The following ANGPT1 variants were observed in gnomAD, a reference collection of about 807,000 sequenced individuals.
ANGPT1 encodes the protein angiopoietin 1, also known as angiopoietin-1.
Under a neutral mutation model 62.2 loss-of-function variants are expected in ANGPT1, and 17 were observed. That is an observed-to-expected ratio of 0.27 (90% CI 0.19 to 0.41). The LOEUF (loss-of-function observed/expected upper bound fraction) is 0.41. Among genes scored for constraint, ANGPT1 ranks in the 10% least tolerant of loss-of-function variants. The pLI, the probability that ANGPT1 is intolerant of heterozygous loss-of-function variation, is 1.00. For missense variants in ANGPT1, 478 were observed against 594.9 expected, an observed-to-expected ratio of 0.80 and a Z score of 2.04; for synonymous variants, 199 against 198.9, an observed-to-expected ratio of 1.00 and a Z score of 0.00.
At chr8:107,306,794 C>G (rs1428831873) in intron 4 of ANGPT1, among the ~76,000 whole-genome samples, 1 of 151,820 alleles carries the variant, frequency 6.6e-6, no homozygotes, top group African/African-American at 2.4e-5. Flanking sequence ...CCTGTAATAC[C>G]AGTGTTTTGG....
At chr8:107,447,897 G>C (rs959728526) in intron 1 of ANGPT1, among the ~76,000 whole-genome samples, 14 of 152,308 alleles carry the variant, frequency 9.2e-5, no homozygotes, top group African/African-American at 3.1e-4. Flanking sequence ...ATTTGAGCAA[G>C]GGATTTTGAA....
At chr8:107,329,669 T>TTG (rs137951579) in intron 3 of ANGPT1, among the ~76,000 whole-genome samples, 2 of 148,176 alleles carry the variant, frequency 1.3e-5, no homozygotes, top group Admixed American at 1.4e-4. Flanking sequence ...GTGTGAGTCT[T>TTG]TGTGTGTGTG....
chr8:107,375,042 C>A (rs1816501303), intron 1 of ANGPT1, among the ~76,000 whole-genome samples: 1 of 152,068 alleles, frequency 6.6e-6, no homozygotes, highest in Non-Finnish European at 1.5e-5. Flanking sequence ...CGCCTACAGT[C>A]CCAGCTACTC....
chr8:107,429,361 G>A (rs904742779), intron 1 of ANGPT1, among the ~76,000 whole-genome samples: 14 of 152,170 alleles, frequency 9.2e-5, no homozygotes, highest in African/African-American at 3.4e-4. Context: ...TAACAGTTCA[G>A]TTAACAAATT....
chr8:107,274,696 T>C (rs550987115), intron 7 of ANGPT1, among the ~76,000 whole-genome samples: 11 of 152,280 alleles, frequency 7.2e-5, no homozygotes, highest in African/African-American at 2.6e-4. Flanking sequence ...TTTTGACTTG[T>C]TGCTCTTTGA....
At chr8:107,454,061 C>G (rs1166348682) in intron 1 of ANGPT1, among the ~76,000 whole-genome samples, 1 of 152,022 alleles carries the variant, frequency 6.6e-6, no homozygotes, top group Non-Finnish European at 1.5e-5. Context: ...TGAACTGATG[C>G]TACTGATATA....
rs1352866582 is a variant in ANGPT1, at chr8:107,497,633, T to C, written c.-75A>G. On this transcript the variant is annotated 5_prime_UTR_variant, in exon 1 of 9. It adds an upstream start codon to the 5' untranslated region. Transcript: ENST00000517746. The stretch of plus-strand genomic sequence containing the variant: ...CTTCTGACCTCTAAAACTAGTTCTT[T>C]ATTTCAGGTAAAACTGCTTGTTTGT... 1 of 1,441,736 alleles carries C rather than the reference T, an allele frequency of 6.9e-7. No homozygotes were observed. Among genetic ancestry groups the C allele is most frequent in the East Asian group, 2.5e-5 (1 of 40,524 alleles). The allele number at this position is 1,441,736 out of a possible 1,614,324, so 89.3% of individuals were successfully genotyped here. A position where few individuals can be genotyped will look rare whatever the true frequency, so the allele number is the denominator to read the frequency against.
chr8:107,438,218 G>A (rs1309301985), intron 1 of ANGPT1, among the ~76,000 whole-genome samples: 1 of 152,076 alleles, frequency 6.6e-6, no homozygotes, highest in Non-Finnish European at 1.5e-5. Context: ...TTTACCTTTA[G>A]CATTATGATT....
intron 1 of ANGPT1, among the ~76,000 whole-genome samples, chr8:107,376,493 C>A (rs950620924): frequency 2.0e-5 from 3 of 152,124 alleles, no homozygotes; most frequent in Admixed American, 2.0e-4. Context: ...AAGAACAGAT[C>A]TTACAAAGGG....
chr8:107,310,128 G>A (rs1379567630), intron 4 of ANGPT1, among the ~76,000 whole-genome samples: 1 of 151,632 alleles, frequency 6.6e-6, no homozygotes, highest in Non-Finnish European at 1.5e-5. Flanking sequence ...CATTTTTTAT[G>A]GAACTATAAT....
chr8:107,399,237 T>C (rs1238839369), intron 1 of ANGPT1, among the ~76,000 whole-genome samples: 1 of 152,154 alleles, frequency 6.6e-6, no homozygotes, highest in Non-Finnish European at 1.5e-5. Flanking sequence ...CTTTCTGACC[T>C]ATACCTTCTC....
intron 1 of ANGPT1, among the ~76,000 whole-genome samples, chr8:107,419,861 T>C (rs1188088666): frequency 6.6e-6 from 1 of 152,194 alleles, no homozygotes; most frequent in African/African-American, 2.4e-5. Flanking sequence ...GCTTTTAAAT[T>C]GCTATTATAA....
intron 1 of ANGPT1, among the ~76,000 whole-genome samples, chr8:107,456,144 A>G (rs1252650593): frequency 1.3e-5 from 2 of 152,034 alleles, no homozygotes; most frequent in Non-Finnish European, 1.5e-5. Flanking sequence ...AGGCTCAAAA[A>G]TGTCCTTTGT....
At chr8:107,313,435 T>G (rs929491605) in intron 4 of ANGPT1, among the ~76,000 whole-genome samples, 1 of 120,582 alleles carries the variant, frequency 8.3e-6, no homozygotes, top group Non-Finnish European at 1.7e-5. Flanking sequence ...AGTTGTTTTT[T>G]TTTTTTTTTT....
intron 4 of ANGPT1, among the ~76,000 whole-genome samples, chr8:107,303,852 AATGG>A (rs1388159117): frequency 6.6e-6 from 1 of 151,196 alleles, no homozygotes; most frequent in African/African-American, 2.5e-5. Context: ...ACACTAAAAC[AATGG>A]AAGTACTGTT....
intron 4 of ANGPT1, among the ~76,000 whole-genome samples, chr8:107,307,533 C>G (rs1165451855): frequency 1.3e-5 from 2 of 152,052 alleles, no homozygotes; most frequent in African/African-American, 4.8e-5. Context: ...CTCCTCCACT[C>G]CCTTCCTCTA....
chr8:107,308,562 C>A (rs1250610872), intron 4 of ANGPT1, among the ~76,000 whole-genome samples: 1 of 152,044 alleles, frequency 6.6e-6, no homozygotes, highest in African/African-American at 2.4e-5. Context: ...ACTCCTTCTG[C>A]CAGGTGGACA....
intron 1 of ANGPT1, among the ~76,000 whole-genome samples, chr8:107,396,347 A>G (rs1816932854): frequency 6.6e-6 from 1 of 152,116 alleles, no homozygotes; most frequent in African/African-American, 2.4e-5. Context: ...ACCAATAGGC[A>G]TTTAAGTCCA....
chr8:107,385,668 C>A (rs937991189), intron 1 of ANGPT1, among the ~76,000 whole-genome samples: 34 of 151,824 alleles, frequency 2.2e-4, no homozygotes, highest in African/African-American at 8.0e-4. Context: ...TGGTACTATG[C>A]TGAATAGGGA....
Sources: gnomAD v4.1 joint callset for allele counts (sites outside exome capture counted in the v4.1 genomes callset) on GRCh38, gnomAD v4.1.1 for gene constraint, MANE v1.5 for transcripts, NCBI Gene and HGNC (gene_info 2026-07-23, HGNC 2026-07-21) for gene names.